NAALADL2: variants seen among roughly 807,000 people sequenced by gnomAD.
NAALADL2 encodes N-acetylated alpha-linked acidic dipeptidase like 2.
A neutral mutation model predicts 87.2 loss-of-function variants in NAALADL2; 76 were observed. That is an observed-to-expected ratio of 0.87 (90% CI 0.72 to 1.05). The LOEUF (loss-of-function observed/expected upper bound fraction) is 1.05. Among genes scored for constraint, NAALADL2 ranks in the 50% least tolerant of loss-of-function variants. The pLI, the probability that NAALADL2 is intolerant of heterozygous loss-of-function variation, is 0.00. For missense variants in NAALADL2, 1,089 were observed against 945.8 expected (o/e 1.15, Z -1.99); for synonymous variants, 354 against 331.0 (o/e 1.07, Z -0.75).
At chr3:174,671,618 A>G (rs1039828629) in intron 2 of NAALADL2, among the ~76,000 whole-genome samples, 1 of 152,108 alleles carries the variant, frequency 6.6e-6, no homozygotes, top group Non-Finnish European at 1.5e-5. Flanking sequence ...TATGTCAAAA[A>G]TACTATCCGG....
At chr3:175,737,198 G>A in intron 11 of NAALADL2, 108 bp from the exon 12 acceptor site, 4 of 655,520 alleles carry the variant, frequency 6.1e-6, no homozygotes, top group Non-Finnish European at 1.1e-5. Context: ...ATTCCTGTGT[G>A]TTTTTGCTGC....
chr3:174,937,592 A>G (rs536609569), intron 1 of NAALADL2, among the ~76,000 whole-genome samples: 2 of 152,162 alleles, frequency 1.3e-5, no homozygotes, highest in East Asian at 1.9e-4. Flanking sequence ...TTCAATAAAT[A>G]TTTGTTAGCT....
At chr3:175,661,731 A>T (rs887605339) in intron 11 of NAALADL2, among the ~76,000 whole-genome samples, 1 of 151,956 alleles carries the variant, frequency 6.6e-6, no homozygotes, top group Non-Finnish European at 1.5e-5. Flanking sequence ...TTTTCCCAAC[A>T]CTACTTATTG....
intron 2 of NAALADL2, among the ~76,000 whole-genome samples, chr3:175,206,228 T>C (rs7642577): frequency 0.69 from 95,766 of 138,038 alleles, 34,329 homozygotes; most frequent in African/African-American, 0.85. Flanking sequence ...AGGATAAAGA[T>C]ACTGTGGATA....
chr3:175,555,615 C>G (rs1258568979), intron 9 of NAALADL2, among the ~76,000 whole-genome samples: 1 of 152,054 alleles, frequency 6.6e-6, no homozygotes, highest in African/African-American at 2.4e-5. Context: ...TAAAGCATGT[C>G]ATACTTAGCA....
intron 2 of NAALADL2, among the ~76,000 whole-genome samples, chr3:174,707,995 C>A (rs1253524215): frequency 6.6e-6 from 1 of 152,098 alleles, no homozygotes; most frequent in African/African-American, 2.4e-5. Context: ...TAGCTGCATT[C>A]CATTTCATCA....
intron 2 of NAALADL2, among the ~76,000 whole-genome samples, chr3:174,567,518 T>C (rs1185660942): frequency 6.6e-6 from 1 of 151,604 alleles, no homozygotes; most frequent in Non-Finnish European, 1.5e-5. Flanking sequence ...GCATATTAAG[T>C]ATCATCATAC....
intron 1 of NAALADL2, among the ~76,000 whole-genome samples, chr3:174,875,404 G>A (rs1233013660): frequency 6.6e-6 from 1 of 151,956 alleles, no homozygotes; most frequent in African/African-American, 2.4e-5. Context: ...AAATACAGGA[G>A]GAATATGGAC....
At chr3:174,990,027 T>C (rs1383861501) in intron 1 of NAALADL2, among the ~76,000 whole-genome samples, 1 of 152,110 alleles carries the variant, frequency 6.6e-6, no homozygotes, top group South Asian at 2.1e-4. Flanking sequence ...AAAAGAGATT[T>C]CCTATTGAAA....
intron 1 of NAALADL2, among the ~76,000 whole-genome samples, chr3:174,521,080 A>C (rs1720248839): frequency 6.6e-6 from 1 of 152,158 alleles, no homozygotes; most frequent in South Asian, 2.1e-4. Flanking sequence ...AATTAGTACA[A>C]CCTCTGTGCA....
rs148105618 is a variant in NAALADL2, at chr3:175,472,704, T to C, written c.1653+946T>C. ...AGTATTTTTAGCTTAATAGTTTTTA[T>C]TGGCATTTCCATATGTAGTACAATA... On this transcript the variant is annotated intron_variant, in intron 9 of 13. Transcript: ENST00000454872. Among the ~76,000 whole-genome samples, 323 of 152,318 alleles carry C rather than the reference T, an allele frequency of 2.1e-3. 1 individual carries two copies. The highest frequency in any genetic ancestry group is 6.6e-3 in the African/African-American group (273 of 41,588).
rs1193578362 is a variant in NAALADL2, at chr3:175,113,202, TAG to T, written c.545+15913_545+15914del. On this transcript the variant is annotated intron_variant, in intron 2 of 13. Transcript: ENST00000454872. ...TCAGACAGGGTAACTCTCTAAATGA[TAG>T]ATTAGAGAATAAAAACAAGAAGGAC... 2.0e-5 allele frequency among the ~76,000 whole-genome samples: 3 copies of T among 151,652 alleles called. No individual in the cohort carries two copies. The South Asian group carries it at 6.2e-4, about 31-fold the overall frequency.
intron 2 of NAALADL2, among the ~76,000 whole-genome samples, chr3:174,726,340 G>C (rs190943977): frequency 3.9e-4 from 60 of 152,228 alleles, no homozygotes; most frequent in African/African-American, 1.4e-3. Flanking sequence ...GAAAAGCAAA[G>C]GCTGTGCAGG....
intron 6 of NAALADL2, among the ~76,000 whole-genome samples, chr3:175,454,446 C>T (rs1722033488): frequency 6.6e-6 from 1 of 151,994 alleles, no homozygotes; most frequent in South Asian, 2.1e-4. Flanking sequence ...AAGTTCAGAA[C>T]TTTAGGGTTC....
At chr3:175,595,128 A>C (rs371253631) in intron 10 of NAALADL2, among the ~76,000 whole-genome samples, 46 of 152,228 alleles carry the variant, frequency 3.0e-4, no homozygotes, top group African/African-American at 9.6e-4. Context: ...TTATAGCTTG[A>C]GGTCTTAAAT....
intron 2 of NAALADL2, among the ~76,000 whole-genome samples, chr3:175,210,901 C>G (rs1741680775): frequency 6.6e-6 from 1 of 151,588 alleles, no homozygotes; most frequent in African/African-American, 2.4e-5. Flanking sequence ...AGAGGCTGAG[C>G]AGGATTTATT....
chr3:174,824,885 TAATA>T (rs1168042170), intron 3 of NAALADL2, among the ~76,000 whole-genome samples: 7 of 152,202 alleles, frequency 4.6e-5, no homozygotes, highest in African/African-American at 9.6e-5. Flanking sequence ...GACTGTTAAT[TAATA>T]AATTTTATAC....
In NAALADL2 at chr3:175,658,834, G is replaced by A. The variant is rs80243379; in HGVS notation, c.1896+31448G>A. On this transcript the variant is annotated intron_variant, in intron 11 of 13. Coordinates refer to ENST00000454872, the MANE Select transcript of NAALADL2 (RefSeq NM_207015.3). ...CATTTAGTTTCAAAATTATCAAAAC[G>A]ATGTTTCCCAGAGTATCCCACAAAT... Among the ~76,000 whole-genome samples, 52 of 152,068 alleles carry A rather than the reference G, an allele frequency of 3.4e-4. No individual in the cohort carries two copies. The East Asian group carries it at 9.6e-3, about 28-fold the overall frequency.
At position 175,505,895 on chromosome 3, in the gene NAALADL2, G is replaced by A. The variant is rs745460315; in HGVS notation, c.1653+34137G>A. On this transcript the variant is annotated intron_variant, in intron 9 of 13. Transcript: ENST00000454872. ...CTTACATCATTGGATTTTTTAAAAA[G>A]CCTCTTGGCCTCTTGAACGGTGTTT... is the stretch of plus-strand genomic sequence containing the variant. Among the ~76,000 whole-genome samples the A allele has an allele frequency of 2.0e-5, 3 of 152,164 alleles. No individual in the cohort carries two copies. In the South Asian group the frequency reaches 6.2e-4, roughly 31 times the overall value.
Sources: allele counts gnomAD v4.1 joint callset (sites outside exome capture counted in the v4.1 genomes callset), GRCh38; gene constraint gnomAD v4.1.1; transcripts MANE v1.5; gene names NCBI Gene and HGNC (gene_info 2026-07-23, HGNC 2026-07-21).